The following WDFY4 variants were observed in gnomAD, a reference collection of about 807,000 sequenced individuals.
WDFY4 encodes WD repeat- and FYVE domain-containing protein 4.
WDFY4 carries 169 observed loss-of-function variants against 351.9 expected under a neutral mutation model. The ratio of observed to expected loss-of-function variants is 0.48; its 90% CI spans 0.42 to 0.55. WDFY4 has a LOEUF of 0.55. Among genes scored for constraint, WDFY4 ranks in the 20% least tolerant of loss-of-function variants. The pLI, the probability that WDFY4 is intolerant of heterozygous loss-of-function variation, is 0.00. For synonymous variants in WDFY4, 1,622 were observed against 1,574.6 expected, an observed-to-expected ratio of 1.03 and a Z score of -0.71; for missense variants, 3,803 against 3,935.6, an observed-to-expected ratio of 0.97 and a Z score of 0.90.
chr10:48,707,515 C>T (rs1010219080), intron 1 of WDFY4, among the ~76,000 whole-genome samples: 7 of 152,188 alleles, frequency 4.6e-5, no homozygotes, highest in Non-Finnish European at 8.8e-5. Flanking sequence ...GTGGCTAATC[C>T]AGCCATCTAT....
chr10:48,817,006 T>G (rs576905534), intron 31 of WDFY4, among the ~76,000 whole-genome samples: 1 of 152,356 alleles, frequency 6.6e-6, no homozygotes, highest in Admixed American at 6.5e-5. Context: ...ACATAGAACC[T>G]ACTTCAGAGG....
At chr10:48,759,991 TGA>T (rs934496257) in intron 12 of WDFY4, among the ~76,000 whole-genome samples, 10 of 151,962 alleles carry the variant, frequency 6.6e-5, no homozygotes, top group African/African-American at 1.5e-4. Flanking sequence ...TGTGTGTGTG[TGA>T]GTGAGTGTGT....
chr10:48,970,107 G>A lies in WDFY4; in HGVS notation c.8770-24G>A, dbSNP rs543838002. The A allele has an allele frequency of 3.5e-5, 55 of 1,550,178 alleles. 3 individuals carry two copies. The South Asian group carries it at 3.6e-4, about 10-fold the overall frequency. ...CTGTCCCTGCTGTCTCCACAGCAGCGCTCATCCCCCTTATCTCCTACAGGT... is the reference window on the plus strand; with the variant it reads ...CTGTCCCTGCTGTCTCCACAGCAGCACTCATCCCCCTTATCTCCTACAGGT... On this transcript the variant is annotated intron_variant, in intron 56 of 61. Transcript: ENST00000325239.
In WDFY4 at chr10:48,778,837, G is replaced by C. The variant is rs2066123599; in HGVS notation, c.3397+5G>C. 1.3e-6 allele frequency: 2 copies of C among 1,548,960 alleles called. No individual in the cohort carries two copies. The highest frequency in any genetic ancestry group is 2.4e-5 in the East Asian group (1 of 40,936). ...AGAAGGAGTTTCAGCCTCTGGGTAA[G>C]GTGCTGGGATCCAAAGCCAGTTTCA... On this transcript the variant is annotated splice_donor_5th_base_variant and intron_variant, in intron 18 of 61. Coordinates refer to ENST00000325239, the MANE Select transcript of WDFY4 (RefSeq NM_001394531.1).
intron 49 of WDFY4, 54 bp downstream of exon 49, chr10:48,943,503 A>T (rs1015858288): frequency 2.0e-6 from 3 of 1,531,234 alleles, no homozygotes; most frequent in African/African-American, 1.4e-5. Flanking sequence ...GACGTTGATA[A>T]CAGAGACCCT....
At chr10:48,914,986 G>T (rs116364139) in intron 47 of WDFY4, among the ~76,000 whole-genome samples, 1 of 152,134 alleles carries the variant, frequency 6.6e-6, no homozygotes, top group Non-Finnish European at 1.5e-5. Context: ...ATAAATGGCC[G>T]TGACTGCCTC....
chr10:48,786,005 A>G (rs2066393067), intron 19 of WDFY4, among the ~76,000 whole-genome samples: 1 of 152,186 alleles, frequency 6.6e-6, no homozygotes, highest in South Asian at 2.1e-4. Context: ...CTCCATTTAT[A>G]TAGGTCGTCT....
At chr10:48,824,783 C>A (rs956424988) in intron 35 of WDFY4, among the ~76,000 whole-genome samples, 1 of 152,180 alleles carries the variant, frequency 6.6e-6, no homozygotes, top group African/African-American at 2.4e-5. Flanking sequence ...GGACTACAGA[C>A]ATGTACCACC....
At chr10:48,882,635 T>C (rs2070299249) in intron 43 of WDFY4, among the ~76,000 whole-genome samples, 1 of 152,050 alleles carries the variant, frequency 6.6e-6, no homozygotes, top group African/African-American at 2.4e-5. Context: ...CCAGTCATGG[T>C]GGAAGGTGAA....
chr10:48,906,941 T>TG (rs1837645484), intron 47 of WDFY4, among the ~76,000 whole-genome samples: 1 of 152,036 alleles, frequency 6.6e-6, no homozygotes, highest in South Asian at 2.1e-4. Flanking sequence ...TTTTGCGATT[T>TG]TTTTTTTTTA....
intron 47 of WDFY4, among the ~76,000 whole-genome samples, chr10:48,939,587 A>G (rs1303861692): frequency 6.6e-6 from 1 of 152,236 alleles, no homozygotes; most frequent in African/African-American, 2.4e-5. Flanking sequence ...TTACATGATA[A>G]TGATGGATGA....
intron 3 of WDFY4, among the ~76,000 whole-genome samples, chr10:48,720,920 C>G (rs9971048): frequency 1.3e-5 from 2 of 149,214 alleles, no homozygotes; most frequent in Non-Finnish European, 3.0e-5. Flanking sequence ...TTCAGGAATT[C>G]TTGCAGCATA....
At chr10:48,894,777 G>A (rs1836988710) in intron 44 of WDFY4, among the ~76,000 whole-genome samples, 1 of 152,202 alleles carries the variant, frequency 6.6e-6, no homozygotes, top group Admixed American at 6.5e-5. Context: ...GGAGCACAGA[G>A]GAGTGGCCAT....
intron 2 of WDFY4, among the ~76,000 whole-genome samples, chr10:48,711,751 G>C (rs753979131): frequency 1.3e-5 from 2 of 152,204 alleles, no homozygotes; most frequent in Non-Finnish European, 2.9e-5. Flanking sequence ...CAGAGCAGAC[G>C]GCATCGAATA....
chr10:48,705,243 T>A (rs2063595322), intron 1 of WDFY4, among the ~76,000 whole-genome samples: 1 of 152,224 alleles, frequency 6.6e-6, no homozygotes, highest in East Asian at 1.9e-4. Flanking sequence ...GATCCTGTTT[T>A]TATTTAAAAT....
In WDFY4 at chr10:48,897,561, G is replaced by T. The variant is rs1462909422; in HGVS notation, c.7424G>T (p.Arg2475Leu). ...YADMRELRQA[R>L]FLLQDIALEI... ...GACATGCGGGAGCTACGGCAGGCTC[G>T]CTTCCTCCTGCAGGTAAGCACACTG... The change falls in exon 45 of 62, where the codon CGC (arginine) becomes CTC (leucine). Residue 2475 changes from arginine to leucine, a missense_variant. Physicochemically the swap from Arg to Leu is moderately radical, Grantham distance 102 (BLOSUM62 -2). Coordinates refer to ENST00000325239, the MANE Select transcript of WDFY4 (RefSeq NM_001394531.1). 6 of 1,547,222 alleles carry T rather than the reference G, an allele frequency of 3.9e-6. No homozygotes were observed. In the African/African-American group the frequency reaches 6.8e-5, roughly 18 times the overall value.
intron 47 of WDFY4, among the ~76,000 whole-genome samples, chr10:48,933,187 G>A (rs999043175): frequency 2.6e-5 from 4 of 152,162 alleles, no homozygotes; most frequent in Non-Finnish European, 4.4e-5. Flanking sequence ...TGTATATGTG[G>A]ACCAGGCAAC....
At chr10:48,744,171 C>G (rs1409041272) in intron 12 of WDFY4, among the ~76,000 whole-genome samples, 1 of 152,228 alleles carries the variant, frequency 6.6e-6, no homozygotes, top group Admixed American at 6.5e-5. Context: ...AGAACCATCC[C>G]TACCCCAACC....
chr10:48,754,798 C>T (rs1198376393), intron 12 of WDFY4, among the ~76,000 whole-genome samples: 1 of 152,100 alleles, frequency 6.6e-6, no homozygotes, highest in Non-Finnish European at 1.5e-5. Flanking sequence ...CGCCCAAGCA[C>T]AAGAAACACT....
Sources: gnomAD v4.1 joint callset for allele counts (sites outside exome capture counted in the v4.1 genomes callset) on GRCh38, gnomAD v4.1.1 for gene constraint, MANE v1.5 for transcripts, NCBI Gene and HGNC (gene_info 2026-07-23, HGNC 2026-07-21) for gene names.